OPRM1: variants seen among roughly 807,000 people sequenced by gnomAD.
OPRM1 encodes mu-type opioid receptor.
Under a neutral mutation model 31.8 loss-of-function variants are expected in OPRM1, and 27 were observed. The ratio of observed to expected loss-of-function variants is 0.85; its 90% CI spans 0.63 to 1.17. OPRM1 has a LOEUF of 1.17. Among genes scored for constraint, OPRM1 ranks in the 50% most tolerant of loss-of-function variants. The probability of loss-of-function intolerance (pLI) is 0.00; values close to 1 mark genes in which losing one functional copy is unlikely to be tolerated. For missense variants in OPRM1, 536 were observed against 511.1 expected, an observed-to-expected ratio of 1.05 and a Z score of -0.47; for synonymous variants, 196 against 189.9, an observed-to-expected ratio of 1.03 and a Z score of -0.26.
chr6:154,151,468 C>T (rs933695625), intron 3 of OPRM1, among the ~76,000 whole-genome samples: 3 of 152,096 alleles, frequency 2.0e-5, no homozygotes, highest in East Asian at 1.9e-4. Flanking sequence ...TTGTTGTGGC[C>T]GCCATGGTTG....
At chr6:154,084,531 T>C (rs924058270) in intron 1 of OPRM1, among the ~76,000 whole-genome samples, 1 of 152,278 alleles carries the variant, frequency 6.6e-6, no homozygotes, top group African/African-American at 2.4e-5. Context: ...GACCATATTC[T>C]TTGCCTAAAT....
downstream of OPRM1, among the ~76,000 whole-genome samples, chr6:154,135,505 A>AGATATAGATATAGAT (rs1227591856): frequency 2.0e-5 from 3 of 152,060 alleles, no homozygotes; most frequent in Admixed American, 6.6e-5. Flanking sequence ...ATATAGATAT[A>AGATATAGATATAGAT]GATATAGATA....
At position 154,039,644 on chromosome 6, in the gene OPRM1, T is replaced by C; in HGVS notation, c.100T>C (p.Leu34=). Residue 34 remains leucine (L), a synonymous_variant, in exon 1 of 4, where the codon TTG becomes CTG. Transcript: ENST00000330432. Reference sequence around the variant, plus strand: ...ACCCAGCCCCGGTTCCTGGGTCAACTTGTCCCACTTAGATGGCAACCTGTC... The same window carrying C: ...ACCCAGCCCCGGTTCCTGGGTCAACCTGTCCCACTTAGATGGCAACCTGTC... ...PAPSPGSWVN[L]SHLDGNLSDP... is the part of the protein sequence containing the mutation. The C allele has an allele frequency of 6.2e-7, 1 of 1,613,692 alleles. No homozygotes were observed.
intron 3 of OPRM1, among the ~76,000 whole-genome samples, chr6:154,204,235 T>G (rs1048193244): frequency 6.6e-6 from 1 of 152,202 alleles, no homozygotes; most frequent in Non-Finnish European, 1.5e-5. Context: ...ATCCTTTTCT[T>G]GGAATTGTTT....
intron 1 of OPRM1, among the ~76,000 whole-genome samples, chr6:154,069,944 G>A (rs1786293649): frequency 6.6e-6 from 1 of 152,152 alleles, no homozygotes; most frequent in Admixed American, 6.5e-5. Flanking sequence ...CCCAAAAAAG[G>A]ATAAGAAGGA....
At position 154,152,392 on chromosome 6, in the gene OPRM1, G is replaced by GAAAGAAAGAAAGAAAGAAAGAA. The variant is rs200221407; in HGVS notation, c.1164+60921_1164+60922insAAGAAAGAAAGAAAGAAAGAAA. Among the ~76,000 whole-genome samples the GAAAGAAAGAAAGAAAGAAAGAA allele has an allele frequency of 5.3e-5, 8 of 150,718 alleles. 1 individual carries two copies. The highest frequency in any genetic ancestry group is 2.0e-4 in the East Asian group (1 of 5,098). On this transcript the variant is annotated intron_variant, in intron 3 of 3. Transcript: ENST00000337049. Reference sequence around the variant, plus strand: ...AGAAAGAAAGAAAGAAAGAAAGAAAGAGAAATAGTGTTCAGGTTGTGGTTA... The same window carrying GAAAGAAAGAAAGAAAGAAAGAA: ...AGAAAGAAAGAAAGAAAGAAAGAAAGAAAGAAAGAAAGAAAGAAAGAAAGAAATAGTGTTCAGGTTGTGGTTA...
chr6:154,118,558 G>A lies in OPRM1; in HGVS notation c.1165-125G>A, dbSNP rs1583618097. The A allele has an allele frequency of 1.3e-6, 1 of 798,010 alleles. No individual in the cohort carries two copies. Among genetic ancestry groups the A allele is most frequent in the South Asian group, 1.6e-5 (1 of 60,994 alleles). 49.4% of individuals were successfully genotyped at this position (798,010 alleles called of 1,614,324 possible). A position where few individuals can be genotyped will look rare whatever the true frequency, so the allele number is the denominator to read the frequency against. ...TGTCTTGACATTTAAGAAAAACTGA[G>A]GCTTGCAGGTGAAAGTATACATGAA... On this transcript the variant is annotated intron_variant, in intron 3 of 3. Coordinates refer to ENST00000330432, the MANE Select transcript of OPRM1 (RefSeq NM_000914.5).
rs1420506128 is a variant in OPRM1 at position 154,126,328 on chromosome 6, G to A, written c.*7607G>A. Reference sequence around the variant, plus strand: ...ACAGCAAAACTGCTTTAATTAACAAGACCAGAGAGAAGGGAGAGGAGACTA... The same window carrying A: ...ACAGCAAAACTGCTTTAATTAACAAAACCAGAGAGAAGGGAGAGGAGACTA... On this transcript the variant is annotated 3_prime_UTR_variant, in exon 4 of 4. Transcript: ENST00000330432. Among the ~76,000 whole-genome samples the A allele has an allele frequency of 2.2e-4, 34 of 152,174 alleles. No individual in the cohort carries two copies. The highest frequency in any genetic ancestry group is 1.5e-5 in the Non-Finnish European group (1 of 68,042).
At chr6:154,212,989 C>G in intron 3 of OPRM1, 2 of 669,248 alleles carry the variant, frequency 3.0e-6, no homozygotes, top group South Asian at 3.6e-5. Context: ...AATGAACTAC[C>G]TGGTAACTAC....
chr6:154,100,939 A>G (rs1017437795), intron 3 of OPRM1, among the ~76,000 whole-genome samples: 4 of 148,594 alleles, frequency 2.7e-5, no homozygotes, highest in African/African-American at 9.8e-5. Context: ...TATTATATAT[A>G]TAAATATATA....
chr6:154,221,455 A>C, intron 3 of OPRM1: 1 of 724,208 alleles, frequency 1.4e-6, no homozygotes, highest in Non-Finnish European at 2.3e-6. Flanking sequence ...TACAAAAAAT[A>C]ATTTAGTAAT....
chr6:154,165,308 C>A (rs1206630020), intron 3 of OPRM1, among the ~76,000 whole-genome samples: 1 of 152,200 alleles, frequency 6.6e-6, no homozygotes, highest in Non-Finnish European at 1.5e-5. Flanking sequence ...ATCCTCTCCT[C>A]TTCCTCAAAG....
intron 3 of OPRM1, among the ~76,000 whole-genome samples, chr6:154,227,068 G>T (rs1276337352): frequency 6.6e-6 from 1 of 151,850 alleles, no homozygotes; most frequent in Admixed American, 6.6e-5. Flanking sequence ...TGTGGTGGCG[G>T]ACGCCTGTAA....
intron 1 of OPRM1, among the ~76,000 whole-genome samples, chr6:154,011,580 G>A (rs1053669012): frequency 1.3e-5 from 2 of 152,012 alleles, no homozygotes; most frequent in African/African-American, 4.8e-5. Context: ...AATTTTAGTT[G>A]AAAAAATACA....
At chr6:154,163,648 G>A (rs796539611) in intron 3 of OPRM1, among the ~76,000 whole-genome samples, 59 of 152,272 alleles carry the variant, frequency 3.9e-4, no homozygotes, top group African/African-American at 1.4e-3. Context: ...GTTTACACAT[G>A]TAGACATTCG....
chr6:154,195,488 T>C (rs574617355), intron 3 of OPRM1, among the ~76,000 whole-genome samples: 2 of 152,236 alleles, frequency 1.3e-5, no homozygotes, highest in South Asian at 4.2e-4. Flanking sequence ...CAACTCACCC[T>C]GATGAGAAAT....
At chr6:154,167,419 T>C (rs1799529548) in intron 3 of OPRM1, among the ~76,000 whole-genome samples, 1 of 152,202 alleles carries the variant, frequency 6.6e-6, no homozygotes, top group African/African-American at 2.4e-5. Flanking sequence ...TTGGCTGCAG[T>C]GCCCACAGCT....
intron 3 of OPRM1, chr6:154,158,261 C>G (rs9322448): frequency 0.59 from 89,404 of 152,046 alleles, 27,118 homozygotes; most frequent in African/African-American, 0.73. Flanking sequence ...CAATTTGTTA[C>G]GGGTAGGCAG....
At chr6:154,167,895 C>T (rs746683030) in intron 3 of OPRM1, 8 of 1,538,866 alleles carry the variant, frequency 5.2e-6, no homozygotes, top group Middle Eastern at 3.4e-4. Flanking sequence ...CCATAGAGTT[C>T]ATCCACAATT....
Sources: allele counts gnomAD v4.1 joint callset (sites outside exome capture counted in the v4.1 genomes callset), GRCh38; gene constraint gnomAD v4.1.1; transcripts MANE v1.5; gene names NCBI Gene and HGNC (gene_info 2026-07-23, HGNC 2026-07-21).